LRRC66: variants seen among roughly 807,000 people sequenced by gnomAD.
LRRC66 encodes the protein leucine-rich repeat-containing protein 66.
A neutral mutation model predicts 24.6 loss-of-function variants in LRRC66; 29 were observed. That is an observed-to-expected ratio of 1.18 (90% confidence interval 0.88 to 1.61). LRRC66 has a LOEUF of 1.61. Among genes scored for constraint, LRRC66 ranks in the 40% most tolerant of loss-of-function variants. The pLI is 0.00. For synonymous variants in LRRC66, 411 were observed against 397.6 expected, an observed-to-expected ratio of 1.03 and a Z score of -0.40; for missense variants, 1,124 against 1,058.0, an observed-to-expected ratio of 1.06 and a Z score of -0.87.
chr4:51,995,960 C>A lies in LRRC66; in HGVS notation c.1062G>T (p.Arg354Ser), dbSNP rs1174165272. 6.2e-7 allele frequency: 1 copy of A among 1,614,014 alleles called. No homozygotes were observed. Among genetic ancestry groups the A allele is most frequent in the Non-Finnish European group, 8.5e-7 (1 of 1,179,984 alleles). ...GLRKKQRRLP[R>S]SVRSTRDVQA... Reference sequence around the variant, plus strand: ...GCACATCGCGGGTGCTTCTAACACTCCTTGGCAGCCGTCTCTGCTTCTTCC... The same window carrying A: ...GCACATCGCGGGTGCTTCTAACACTACTTGGCAGCCGTCTCTGCTTCTTCC... The change falls in exon 5 of 5, where the codon AGG becomes AGT. Residue 354 changes from arginine (R) to serine (S), a missense_variant. By Grantham distance (110) the Arg-to-Ser change is moderately radical (BLOSUM62 -1). Transcript: ENST00000682860.
At chr4:52,005,993 G>T (rs1443427730) in intron 2 of LRRC66, among the ~76,000 whole-genome samples, 1 of 152,216 alleles carries the variant, frequency 6.6e-6, no homozygotes, top group Non-Finnish European at 1.5e-5. Context: ...CAATATGAAA[G>T]AAGCTACAGC....
rs1263308238 is a variant in LRRC66, at chr4:52,003,401, A to C, written c.497-9T>G. The C allele has an allele frequency of 6.2e-7, 1 of 1,604,470 alleles. No individual in the cohort carries two copies. Among genetic ancestry groups the C allele is most frequent in the African/African-American group, 1.3e-5 (1 of 74,424 alleles). On this transcript the variant is annotated splice_polypyrimidine_tract_variant and intron_variant, in intron 2 of 4. Transcript: ENST00000682860. ...CTTCAGTTTCCACAGTCCTGTTAAA[A>C]TGAAAAAGTAAGTTGAAATCTAAAC...
At chr4:51,996,966 A>C (rs1303253411) in intron 4 of LRRC66, among the ~76,000 whole-genome samples, 1 of 152,262 alleles carries the variant, frequency 6.6e-6, no homozygotes, top group Non-Finnish European at 1.5e-5. Context: ...GGAGTGAAAC[A>C]AATGTAGCTG....
chr4:51,995,359 C>A lies in LRRC66; in HGVS notation c.1663G>T (p.Val555Phe). Residue 555 changes from valine (V) to phenylalanine (F), a missense_variant, in exon 5 of 5, where the codon GTC (valine) becomes TTC (phenylalanine). By Grantham distance (50) the Val-to-Phe change is conservative. Transcript: ENST00000682860. ...EEPLSAHSVG[V>F]SSVAGTSHAV... ...TGAGACGTGCCAGCTACAGAAGAGACGCCCACTGAATGTGCACTGAGAGGC... is the reference window on the plus strand; with the variant it reads ...TGAGACGTGCCAGCTACAGAAGAGAAGCCCACTGAATGTGCACTGAGAGGC... The A allele has an allele frequency of 6.2e-7, 1 of 1,614,180 alleles. No homozygotes were observed. Among genetic ancestry groups the A allele is most frequent in the Non-Finnish European group, 8.5e-7 (1 of 1,180,018 alleles).
At chr4:51,998,077 G>T in intron 3 of LRRC66, 140 bp from the exon 4 acceptor site, 1 of 728,526 alleles carries the variant, frequency 1.4e-6, no homozygotes, top group Non-Finnish European at 2.2e-6. Flanking sequence ...CAGGGAATTA[G>T]TGGGGTTTTA....
At chr4:52,000,298 A>G (rs1197954002) in intron 3 of LRRC66, among the ~76,000 whole-genome samples, 1 of 152,198 alleles carries the variant, frequency 6.6e-6, no homozygotes, top group Non-Finnish European at 1.5e-5. Flanking sequence ...ATAAAAATGC[A>G]CAGAAAATAC....
At chr4:51,996,699 A>G (rs572619220) in intron 4 of LRRC66, among the ~76,000 whole-genome samples, 23 of 152,312 alleles carry the variant, frequency 1.5e-4, no homozygotes, top group African/African-American at 5.1e-4. Flanking sequence ...CAGCATGTTT[A>G]TGGCTGTACG....
At chr4:52,003,478 A>G (rs1337703029) in intron 2 of LRRC66, 86 bp from the exon 3 acceptor site, 5 of 1,137,080 alleles carry the variant, frequency 4.4e-6, no homozygotes, top group South Asian at 4.3e-5. Flanking sequence ...TGGAGACAAC[A>G]TTAAGAGTTC....
At chr4:52,011,383 G>A (rs184367319) in intron 2 of LRRC66, among the ~76,000 whole-genome samples, 4 of 152,240 alleles carry the variant, frequency 2.6e-5, no homozygotes, top group East Asian at 3.9e-4. Context: ...AGTGGTGATG[G>A]TTTCATGAGT....
At chr4:52,008,590 G>A (rs1342098531) in intron 2 of LRRC66, among the ~76,000 whole-genome samples, 9 of 151,868 alleles carry the variant, frequency 5.9e-5, no homozygotes, top group East Asian at 1.9e-4. Flanking sequence ...ATTTCTTATC[G>A]GAAACAATGC....
chr4:52,003,530 T>G (rs1456150778), intron 2 of LRRC66, 138 bp from the exon 3 acceptor site: 2 of 632,010 alleles, frequency 3.2e-6, no homozygotes, highest in East Asian at 2.8e-5. Flanking sequence ...ATATTAATAC[T>G]ATGAAATAAT....
At chr4:52,018,453 A>C in intron 1 of LRRC66, 1 of 985,220 alleles carries the variant, frequency 1.0e-6, no homozygotes, top group Non-Finnish European at 1.2e-6. Context: ...AAATAATCAC[A>C]TTATTGAGTA....
intron 2 of LRRC66, among the ~76,000 whole-genome samples, chr4:52,005,746 T>C (rs374285898): frequency 6.6e-6 from 1 of 152,278 alleles, no homozygotes; most frequent in East Asian, 1.9e-4. Flanking sequence ...CCCAAGTCCC[T>C]GTGCACAGCC....
chr4:51,997,598 AT>A (rs1467315715), intron 4 of LRRC66, 149 bp downstream of exon 4: 8 of 658,398 alleles, frequency 1.2e-5, no homozygotes, highest in Non-Finnish European at 1.8e-5. Flanking sequence ...GACACCAATG[AT>A]TTTTCTATGA....
chr4:51,997,397 A>T (rs1736344896), intron 4 of LRRC66, among the ~76,000 whole-genome samples: 1 of 152,184 alleles, frequency 6.6e-6, no homozygotes, highest in Non-Finnish European at 1.5e-5. Context: ...ATTTTATTCA[A>T]TTTTTAATTC....
At chr4:52,006,764 T>C (rs973719140) in intron 2 of LRRC66, among the ~76,000 whole-genome samples, 3 of 147,738 alleles carry the variant, frequency 2.0e-5, no homozygotes, top group Non-Finnish European at 3.0e-5. Context: ...AAAAAAAAAG[T>C]GACAGAAGAA....
intron 3 of LRRC66, among the ~76,000 whole-genome samples, chr4:52,002,438 AC>A (rs1736477411): frequency 6.6e-6 from 1 of 152,132 alleles, no homozygotes; most frequent in Admixed American, 6.5e-5. Context: ...TTGCTAAAAG[AC>A]CACTGAGAGG....
chr4:52,018,881 T>C (rs975131460), intron 1 of LRRC66, among the ~76,000 whole-genome samples: 2 of 152,196 alleles, frequency 1.3e-5, no homozygotes, highest in African/African-American at 2.4e-5. Flanking sequence ...CTTTTCCTCT[T>C]AGCCACAGTC....
chr4:52,009,617 T>C (rs1031202281), intron 2 of LRRC66, among the ~76,000 whole-genome samples: 1 of 152,130 alleles, frequency 6.6e-6, no homozygotes, highest in Non-Finnish European at 1.5e-5. Flanking sequence ...AGCTTTATGC[T>C]AATAAACTAC....
Sources: allele counts gnomAD v4.1 joint callset (sites outside exome capture counted in the v4.1 genomes callset), GRCh38; gene constraint gnomAD v4.1.1; transcripts MANE v1.5; gene names NCBI Gene and HGNC (gene_info 2026-07-23, HGNC 2026-07-21).